The following SHANK2 variants were observed in gnomAD, a reference collection of about 807,000 sequenced individuals.
The protein encoded by SHANK2 is SH3 and multiple ankyrin repeat domains 2, also known as SH3 and multiple ankyrin repeat domains protein 2.
Under a neutral mutation model 133.7 loss-of-function variants are expected in SHANK2, and 43 were observed. The ratio of observed to expected loss-of-function variants is 0.32; its 90% CI spans 0.25 to 0.41. The LOEUF (loss-of-function observed/expected upper bound fraction) is 0.41, where lower values mean the gene tolerates loss of function less well. SHANK2 is among the 10% of genes least tolerant of loss of function. The pLI is 1.00. For missense variants in SHANK2, 1,994 were observed against 2,235.8 expected, an observed-to-expected ratio of 0.89 and a Z score of 2.18; for synonymous variants, 1,017 against 952.8, an observed-to-expected ratio of 1.07 and a Z score of -1.24.
intron 21 of SHANK2, among the ~76,000 whole-genome samples, chr11:70,495,447 C>G (rs573329534): frequency 2.0e-5 from 3 of 152,326 alleles, no homozygotes; most frequent in Admixed American, 6.5e-5. Flanking sequence ...ATGTGCAACT[C>G]CAGCTTGGTC....
intron 8 of SHANK2, among the ~76,000 whole-genome samples, chr11:71,085,826 AATAATATTAT>A (rs1951391436): frequency 0.026 from 2 of 78 alleles, no homozygotes; most frequent in Non-Finnish European, 0.067. Context: ...TATATTATAT[AATAATATTAT>A]ACAACAATAA....
At chr11:70,940,349 C>A (rs990533473) in intron 10 of SHANK2, among the ~76,000 whole-genome samples, 4 of 151,416 alleles carry the variant, frequency 2.6e-5, no homozygotes, top group African/African-American at 9.7e-5. Context: ...TGGGTTCAAG[C>A]GATTCTCCTG....
At chr11:70,544,820 T>C (rs187338037) in intron 17 of SHANK2, among the ~76,000 whole-genome samples, 14 of 152,306 alleles carry the variant, frequency 9.2e-5, no homozygotes, top group Admixed American at 1.3e-4. Flanking sequence ...AAGGAGCAAA[T>C]GTCACCGGGG....
At chr11:70,665,042 C>T (rs1320930296) in intron 15 of SHANK2, among the ~76,000 whole-genome samples, 1 of 152,198 alleles carries the variant, frequency 6.6e-6, no homozygotes, top group Non-Finnish European at 1.5e-5. Flanking sequence ...CTGCACACGC[C>T]ACCCTCTCTT....
intron 24 of SHANK2, chr11:70,489,069 AG>A (rs2058850782): frequency 4.2e-6 from 2 of 478,194 alleles, no homozygotes; most frequent in South Asian, 5.4e-5. Context: ...AATGAAAAAA[AG>A]TCCTAGGACA....
intron 17 of SHANK2, among the ~76,000 whole-genome samples, chr11:70,540,767 C>T (rs1237265642): frequency 3.6e-5 from 5 of 140,188 alleles, no homozygotes; most frequent in Admixed American, 7.7e-5. Flanking sequence ...CCCAGCCACT[C>T]GGGAGGCTGA....
intron 14 of SHANK2, among the ~76,000 whole-genome samples, chr11:70,782,151 G>A (rs1409166272): frequency 6.6e-6 from 1 of 151,202 alleles, no homozygotes; most frequent in African/African-American, 2.4e-5. Context: ...TGCAACCTCT[G>A]CCTCCTGGGT....
At chr11:70,777,868 TG>T (rs1555044270) in intron 14 of SHANK2, among the ~76,000 whole-genome samples, 1 of 152,198 alleles carries the variant, frequency 6.6e-6, no homozygotes, top group Non-Finnish European at 1.5e-5. Flanking sequence ...TCAGGTTTCA[TG>T]AGGTGGAGAT....
rs1035164993 is a variant in SHANK2 at position 70,760,827 on chromosome 11, G to A, written c.1777+37616C>T. ...GAAGGGATTAACCTGGAGGGTGGTA[G>A]TCAGTGTAGGAAGGCTCCCGGGAGG... On this transcript the variant is annotated intron_variant, in intron 14 of 25. Transcript: ENST00000601538. Among the ~76,000 whole-genome samples the A allele has an allele frequency of 2.6e-5, 4 of 152,370 alleles. No individual in the cohort carries two copies. The East Asian group carries it at 7.7e-4, about 29-fold the overall frequency.
chr11:71,226,275 A>G (rs1367600990), intron 1 of SHANK2, among the ~76,000 whole-genome samples: 3 of 152,252 alleles, frequency 2.0e-5, no homozygotes, highest in African/African-American at 4.8e-5. Context: ...TGAACAATAG[A>G]GTGAAACAGA....
At chr11:71,120,706 C>G (rs1444495051) in intron 3 of SHANK2, among the ~76,000 whole-genome samples, 1 of 152,210 alleles carries the variant, frequency 6.6e-6, no homozygotes, top group African/African-American at 2.4e-5. Flanking sequence ...CCTCCCCCAT[C>G]CTTGGCTAAG....
chr11:70,729,653 T>C (rs1224152649), intron 14 of SHANK2, among the ~76,000 whole-genome samples: 1 of 151,352 alleles, frequency 6.6e-6, no homozygotes, highest in Non-Finnish European at 1.5e-5. Context: ...GCCTCCCGAG[T>C]AGCTGGGACT....
chr11:70,570,984 G>C (rs782086661), intron 17 of SHANK2, among the ~76,000 whole-genome samples: 3 of 152,130 alleles, frequency 2.0e-5, no homozygotes, highest in Non-Finnish European at 2.9e-5. Context: ...ACTCCTGTGC[G>C]GTGGTGTTCA....
At chr11:71,214,447 G>A (rs1200942419) in intron 2 of SHANK2, among the ~76,000 whole-genome samples, 1 of 152,140 alleles carries the variant, frequency 6.6e-6, no homozygotes, top group Non-Finnish European at 1.5e-5. Context: ...CACACAGCTG[G>A]GACTTCTTTC....
At position 71,092,544 on chromosome 11, in the gene SHANK2, C is replaced by T. The variant is rs374476702; in HGVS notation, c.790G>A (p.Gly264Ser). ...GASPDYKDSYGLTPLYHTAIV... is the reference protein window; with the variant it reads ...GASPDYKDSYSLTPLYHTAIV... Reference sequence around the variant, plus strand: ...GCTGTGTGATACAGCGGGGTGAGGCCGTAACTGTCTTTATAATCTGGGGAT... The same window carrying T: ...GCTGTGTGATACAGCGGGGTGAGGCTGTAACTGTCTTTATAATCTGGGGAT... Residue 264 changes from glycine (G) to serine (S), a missense_variant, in exon 8 of 26, where the codon GGC (glycine) becomes AGC (serine). Physicochemically the swap from Gly to Ser is moderately conservative, Grantham distance 56. Coordinates refer to ENST00000601538, the MANE Select transcript of SHANK2 (RefSeq NM_012309.5). The T allele has an allele frequency of 4.2e-5, 65 of 1,551,546 alleles. No individual in the cohort carries two copies. Among genetic ancestry groups the T allele is most frequent in the South Asian group, 5.9e-5 (5 of 84,054 alleles).
chr11:70,548,244 C>T (rs1449380280), intron 17 of SHANK2, among the ~76,000 whole-genome samples: 1 of 152,234 alleles, frequency 6.6e-6, no homozygotes, highest in Non-Finnish European at 1.5e-5. Flanking sequence ...TAGATGCTTC[C>T]AGTTTTCTCC....
At chr11:71,200,634 C>T (rs1555116943) in intron 2 of SHANK2, among the ~76,000 whole-genome samples, 1 of 152,074 alleles carries the variant, frequency 6.6e-6, no homozygotes, top group Non-Finnish European at 1.5e-5. Context: ...TTTTTTAGGA[C>T]TTGCCAGGCC....
At chr11:71,062,764 G>A (rs1350859355) in intron 9 of SHANK2, among the ~76,000 whole-genome samples, 4 of 152,144 alleles carry the variant, frequency 2.6e-5, no homozygotes, top group African/African-American at 9.7e-5. Flanking sequence ...GGGAGGCTGA[G>A]GTGGGAGGAT....
intron 14 of SHANK2, among the ~76,000 whole-genome samples, chr11:70,768,065 G>C (rs567949872): frequency 6.6e-5 from 10 of 152,004 alleles, no homozygotes; most frequent in Admixed American, 2.0e-4. Context: ...TAGCTGGGGT[G>C]GGGGGGCTGA....
Sources: gnomAD v4.1 joint callset for allele counts (sites outside exome capture counted in the v4.1 genomes callset) on GRCh38, gnomAD v4.1.1 for gene constraint, MANE v1.5 for transcripts, NCBI Gene and HGNC (gene_info 2026-07-23, HGNC 2026-07-21) for gene names.